GLS: variants seen among roughly 807,000 people sequenced by gnomAD.
GLS encodes glutaminase, also known as glutaminase kidney isoform, mitochondrial.
A neutral mutation model predicts 86.7 loss-of-function variants in GLS; 36 were observed. The observed-to-expected ratio is 0.42, with a 90% CI of 0.32 to 0.55. The LOEUF is 0.55. Among genes scored for constraint, GLS ranks in the 20% least tolerant of loss-of-function variants. The probability of loss-of-function intolerance (pLI) is 0.17; values close to 1 mark genes in which losing one functional copy is unlikely to be tolerated. For synonymous variants in GLS, 317 were observed against 305.9 expected (o/e 1.04, Z -0.38); for missense variants, 528 against 833.4 (o/e 0.63, Z 4.51).
At position 190,913,823 on chromosome 2, in the gene GLS, C is replaced by CCTTGTCTCTAAA; in HGVS notation, c.1038+3502_1038+3503insCTTGTCTCTAAA. On this transcript the variant is annotated intron_variant, in intron 7 of 17. Transcript: ENST00000320717. This position sits in a 1 kb window ranked among gnomAD's most constrained non-coding sequence, Gnocchi z 6.1. Reference sequence around the variant, plus strand: ...TTTTTTGTTTTTTGTTTTTTAGAGACAAGGTCTCTCTCTGTTGCCCAGTCT... The same window carrying CCTTGTCTCTAAA: ...TTTTTTGTTTTTTGTTTTTTAGAGACCTTGTCTCTAAAAAGGTCTCTCTCTGTTGCCCAGTCT... The CCTTGTCTCTAAA allele has an allele frequency of 1.4e-6, 1 of 721,226 alleles. No individual in the cohort carries two copies. The highest frequency in any genetic ancestry group is 1.7e-6 in the Non-Finnish European group (1 of 589,164). 44.7% of individuals were successfully genotyped at this position (721,226 alleles called of 1,614,324 possible).
At chr2:190,923,772 C>A (rs1156883641) in intron 9 of GLS, 145 bp from the exon 10 acceptor site, 1 of 579,136 alleles carries the variant, frequency 1.7e-6, no homozygotes. Context: ...CACAAATAGC[C>A]TATTGACAGA....
At chr2:190,932,862 A>C in intron 14 of GLS, 2 of 1,509,914 alleles carry the variant, frequency 1.3e-6, no homozygotes, top group Non-Finnish European at 1.8e-6. Context: ...AGAAAAGCTA[A>C]AGAAATGGGT....
At chr2:190,941,507 T>A (rs1054109839) in intron 14 of GLS, among the ~76,000 whole-genome samples, 4 of 151,846 alleles carry the variant, frequency 2.6e-5, no homozygotes, top group African/African-American at 4.8e-5. Context: ...TAAAAAATAT[T>A]TCAGCAAATA....
intron 14 of GLS, chr2:190,932,936 T>C (rs1351018276): frequency 2.9e-5 from 39 of 1,332,830 alleles, no homozygotes; most frequent in Non-Finnish European, 3.6e-5. Context: ...TTGCAAGTTA[T>C]AAATATTTAT....
chr2:190,900,279 T>G (rs1688894553), intron 3 of GLS, among the ~76,000 whole-genome samples: 1 of 152,174 alleles, frequency 6.6e-6, no homozygotes, highest in Admixed American at 6.5e-5. Context: ...GAAGCTTGTT[T>G]CAGATGGTCT....
intron 1 of GLS, among the ~76,000 whole-genome samples, chr2:190,893,946 A>G (rs1688646061): frequency 6.6e-6 from 1 of 152,208 alleles, no homozygotes; most frequent in African/African-American, 2.4e-5. Flanking sequence ...ATTATGTATC[A>G]GGATATGTCA....
Position 190,947,120 on chromosome 2 carries a change from TACTC to T in GLS, c.1651-6443_1651-6440del, listed in dbSNP as rs773685709. On this transcript the variant is annotated intron_variant, in intron 14 of 17. Transcript: ENST00000320717. The surrounding 1 kb of genome is among the most constrained non-coding windows in gnomAD (Gnocchi z 5.0). Reference sequence around the variant, plus strand: ...GTATATAATTCTAATAATTGCTACTTACTCATAAGTACAGAATTATTAGGGCATT... The same window carrying T: ...GTATATAATTCTAATAATTGCTACTTATAAGTACAGAATTATTAGGGCATT... Among the ~76,000 whole-genome samples, 3 of 152,212 alleles carry T rather than the reference TACTC, an allele frequency of 2.0e-5. No individual in the cohort carries two copies. Among genetic ancestry groups the T allele is most frequent in the Non-Finnish European group, 4.4e-5 (3 of 68,030 alleles).
intron 17 of GLS, among the ~76,000 whole-genome samples, chr2:190,958,152 G>C (rs1366243613): frequency 1.4e-5 from 2 of 147,164 alleles, no homozygotes; most frequent in African/African-American, 5.1e-5. Flanking sequence ...CTTCTTCCTG[G>C]TTTAGACTTG....
At position 190,913,389 on chromosome 2, in the gene GLS, G is replaced by A. The variant is rs1025243233; in HGVS notation, c.1038+3068G>A. 1 of 959,892 alleles carries A rather than the reference G, an allele frequency of 1.0e-6. No individual in the cohort carries two copies. Among genetic ancestry groups the A allele is most frequent in the Non-Finnish European group, 1.3e-6 (1 of 759,646 alleles). The allele number at this position is 959,892 out of a possible 1,614,324, so 59.5% of individuals were successfully genotyped here. On this transcript the variant is annotated intron_variant, in intron 7 of 17. Transcript: ENST00000320717. The surrounding 1 kb of genome is among the most constrained non-coding windows in gnomAD (Gnocchi z 6.1). ...GGTAAATACCTTTTTAAAAACAAAT[G>A]TAATTTTATACTTAAAATGCACATA...
In GLS at chr2:190,924,414, T is replaced by C. The variant is rs937127451; in HGVS notation, c.1198-129T>C. The C allele has an allele frequency of 4.4e-6, 3 of 680,282 alleles. No homozygotes were observed. Among genetic ancestry groups the C allele is most frequent in the Non-Finnish European group, 7.9e-6 (3 of 378,724 alleles). 42.1% of individuals were successfully genotyped at this position (680,282 alleles called of 1,614,324 possible). A position where few individuals can be genotyped will look rare whatever the true frequency, so the allele number is the denominator to read the frequency against. On this transcript the variant is annotated intron_variant, in intron 10 of 17. Transcript: ENST00000320717. This position sits in a 1 kb window ranked among gnomAD's most constrained non-coding sequence, Gnocchi z 5.2. Reference sequence around the variant, plus strand: ...TTTTTTATTTCATGTTTATACTCTTTTAGAAGTTACATGCTATTTTATTAA... The same window carrying C: ...TTTTTTATTTCATGTTTATACTCTTCTAGAAGTTACATGCTATTTTATTAA...
chr2:190,915,061 G>A (rs1432356558), intron 7 of GLS, among the ~76,000 whole-genome samples: 1 of 151,640 alleles, frequency 6.6e-6, no homozygotes, highest in African/African-American at 2.4e-5. Flanking sequence ...TGTCGCCCAG[G>A]CTGGAGTGCA....
At chr2:190,918,686 C>A (rs1017063402) in intron 7 of GLS, among the ~76,000 whole-genome samples, 2 of 152,126 alleles carry the variant, frequency 1.3e-5, no homozygotes, top group Non-Finnish European at 2.9e-5. Flanking sequence ...AACTTTTGGT[C>A]TGTTTTGGCT....
Position 190,930,361 on chromosome 2 carries a change from G to A in GLS, c.1426-76G>A, listed in dbSNP as rs1200662347. ...GAGTGAGCCATGGTGCCCAGCCCCA[G>A]TTTCCCTATTGTTGAACATAACATT... On this transcript the variant is annotated intron_variant, in intron 12 of 17. Coordinates refer to ENST00000320717, the MANE Select transcript of GLS (RefSeq NM_014905.5). This position sits in a 1 kb window ranked among gnomAD's most constrained non-coding sequence, Gnocchi z 5.0. The A allele has an allele frequency of 1.9e-5, 22 of 1,133,778 alleles. No homozygotes were observed. The Admixed American group carries it at 2.9e-4, about 15-fold the overall frequency. The allele number at this position is 1,133,778 out of a possible 1,614,324, so 70.2% of individuals were successfully genotyped here.
chr2:190,931,659 A>G (rs778956629), intron 14 of GLS, 22 bp downstream of exon 14: 53 of 1,134,150 alleles, frequency 4.7e-5, no homozygotes, highest in Non-Finnish European at 6.5e-5. Flanking sequence ...TCTTATTTAG[A>G]TAAGTATATA....
At chr2:190,942,063 A>G (rs1361539418) in intron 14 of GLS, among the ~76,000 whole-genome samples, 1 of 79,748 alleles carries the variant, frequency 1.3e-5, no homozygotes, top group Non-Finnish European at 3.3e-5. Flanking sequence ...TGAAACTTTG[A>G]AGACTTTTTT....
At chr2:190,896,708 C>T (rs912258009) in intron 3 of GLS, 32 of 152,298 alleles carry the variant, frequency 2.1e-4, no homozygotes, top group African/African-American at 7.5e-4. Flanking sequence ...TATCTTTTCA[C>T]GAGGAGGTTC....
intron 17 of GLS, among the ~76,000 whole-genome samples, chr2:190,960,395 G>C (rs1186154452): frequency 9.4e-6 from 1 of 105,982 alleles, no homozygotes; most frequent in East Asian, 2.5e-4. Flanking sequence ...ACTGGGTCTT[G>C]CCTTGCCACT....
In GLS at chr2:190,953,552, C is replaced by A. The variant is rs1191106176; in HGVS notation, c.1651-13C>A. On this transcript the variant is annotated splice_polypyrimidine_tract_variant and intron_variant, in intron 14 of 17. Coordinates refer to ENST00000320717, the MANE Select transcript of GLS (RefSeq NM_014905.5). The surrounding 1 kb of genome is among the most constrained non-coding windows in gnomAD (Gnocchi z 4.0). Reference sequence around the variant, plus strand: ...TCTCTCCTAAGGATGCCTAAACTTTCTTTTCTTCACAGGTAAAGTCAGTGA... The same window carrying A: ...TCTCTCCTAAGGATGCCTAAACTTTATTTTCTTCACAGGTAAAGTCAGTGA... 5 of 1,595,242 alleles carry A rather than the reference C, an allele frequency of 3.1e-6. No homozygotes were observed. Among genetic ancestry groups the A allele is most frequent in the Non-Finnish European group, 3.4e-6 (4 of 1,162,998 alleles).
intron 3 of GLS, among the ~76,000 whole-genome samples, chr2:190,899,277 T>A (rs866143227): frequency 1.9e-4 from 29 of 152,306 alleles, no homozygotes; most frequent in African/African-American, 7.0e-4. Context: ...TTCTTAGCTC[T>A]GGGGTGTCAA....
Sources: allele counts gnomAD v4.1 joint callset (sites outside exome capture counted in the v4.1 genomes callset), GRCh38; gene constraint gnomAD v4.1.1; non-coding constraint Gnocchi (gnomAD v3.1); transcripts MANE v1.5; gene names NCBI Gene and HGNC (gene_info 2026-07-23, HGNC 2026-07-21).